The following ASH2L variants were observed in gnomAD, a reference collection of about 807,000 sequenced individuals.
ASH2L encodes set1/Ash2 histone methyltransferase complex subunit ASH2.
In ASH2L, 30 loss-of-function variants were observed where a neutral mutation model predicts 81.1. The ratio of observed to expected loss-of-function variants is 0.37; its 90% CI spans 0.28 to 0.50. The LOEUF (loss-of-function observed/expected upper bound fraction) is 0.50, where lower values mean the gene tolerates loss of function less well. Ranked by LOEUF, ASH2L falls within the 20% of genes least tolerant of loss-of-function variation. The pLI is 0.95. For synonymous variants in ASH2L, 273 were observed against 279.9 expected (o/e 0.98, Z 0.24); for missense variants, 559 against 792.1 (o/e 0.71, Z 3.53).
At chr8:38,119,710 C>G (rs1291642769) in intron 9 of ASH2L, among the ~76,000 whole-genome samples, 2 of 151,728 alleles carry the variant, frequency 1.3e-5, no homozygotes, top group Admixed American at 1.3e-4. Flanking sequence ...GAGGCTGAGG[C>G]AGGAGAATCG....
Position 38,128,276 on chromosome 8 carries a change from T to G in ASH2L, c.1166-15T>G. On this transcript the variant is annotated splice_polypyrimidine_tract_variant and intron_variant, in intron 10 of 15. Transcript: ENST00000343823. Reference sequence around the variant, plus strand: ...AAATAAGTTGCAGGCCTTCTTTTAATCTCTGTCACCGCAGCTCCCCAGTTA... The same window carrying G: ...AAATAAGTTGCAGGCCTTCTTTTAAGCTCTGTCACCGCAGCTCCCCAGTTA... 6.2e-7 allele frequency: 1 copy of G among 1,613,866 alleles called. No homozygotes were observed. The highest frequency in any genetic ancestry group is 8.5e-7 in the Non-Finnish European group (1 of 1,179,960).
chr8:38,135,090 T>C (rs1321680218), intron 13 of ASH2L, among the ~76,000 whole-genome samples: 2 of 152,118 alleles, frequency 1.3e-5, no homozygotes, highest in Admixed American at 1.3e-4. Flanking sequence ...GAGGTCTCAC[T>C]ATGTTGCCCA....
Position 38,128,227 on chromosome 8 carries a change from G to A in ASH2L, c.1166-64G>A, listed in dbSNP as rs1219785317. On this transcript the variant is annotated intron_variant, in intron 10 of 15. Transcript: ENST00000343823. ...ATTGTTTTATTGGACTAATGTTTTT[G>A]TGGCAATTGTCCCCAAGAACCTCAA... 8 of 1,579,548 alleles carry A rather than the reference G, an allele frequency of 5.1e-6. No homozygotes were observed. In the Middle Eastern group the frequency reaches 1.2e-3, roughly 244 times the overall value.
chr8:38,136,570 T>C (rs1802265030), intron 14 of ASH2L, among the ~76,000 whole-genome samples: 1 of 150,780 alleles, frequency 6.6e-6, no homozygotes, highest in African/African-American at 2.4e-5. Flanking sequence ...AGGTCAGGGG[T>C]TCGAGACCAG....
rs752635647 is a variant in ASH2L, at chr8:38,116,707, A to G, written c.835A>G (p.Thr279Ala). ...CCAAAAACAGAGCAGTGCTGTGTCT[A>G]CTAGTGGGAATTTAAATGGTAAGTG... ...DNQKQSSAVS[T>A]SGNLNGGIAA... The change falls in exon 8 of 16, where the codon ACT becomes GCT. Residue 279 changes from threonine (T) to alanine (A), a missense_variant. This residue lies in a region of ASH2L where 318 missense variants were observed against 527.0 expected (regional missense o/e 0.60). Coordinates refer to ENST00000343823, the MANE Select transcript of ASH2L (RefSeq NM_004674.5). 2 of 1,612,518 alleles carry G rather than the reference A, an allele frequency of 1.2e-6. No homozygotes were observed. Among genetic ancestry groups the G allele is most frequent in the South Asian group, 1.1e-5 (1 of 90,956 alleles).
At chr8:38,116,864 G>C (rs2130505292) in intron 8 of ASH2L, 139 bp downstream of exon 8, 1 of 692,526 alleles carries the variant, frequency 1.4e-6, no homozygotes. Context: ...CAATTTTTAG[G>C]AACTAGCCAA....
At chr8:38,112,820 G>A (rs1810741925) in intron 5 of ASH2L, among the ~76,000 whole-genome samples, 1 of 152,142 alleles carries the variant, frequency 6.6e-6, no homozygotes, top group Non-Finnish European at 1.5e-5. Context: ...CCCTGAATCA[G>A]TTGTTAGAGT....
intron 13 of ASH2L, among the ~76,000 whole-genome samples, chr8:38,134,048 G>T (rs1465604169): frequency 1.3e-5 from 2 of 152,154 alleles, no homozygotes; most frequent in Non-Finnish European, 2.9e-5. Flanking sequence ...TCTGAAACAT[G>T]TGCTGTGTCC....
At chr8:38,105,816 C>T in intron 1 of ASH2L, 78 bp downstream of exon 1, 4 of 1,467,350 alleles carry the variant, frequency 2.7e-6, no homozygotes, top group South Asian at 1.4e-5. Flanking sequence ...TGGAGCCCTG[C>T]CGCCCGCCCC....
chr8:38,132,416 T>TA (rs1247909809), intron 12 of ASH2L, among the ~76,000 whole-genome samples: 1 of 152,118 alleles, frequency 6.6e-6, no homozygotes, highest in Non-Finnish European at 1.5e-5. Flanking sequence ...TAAGAACCAG[T>TA]AAGAAAGAGG....
rs1305259232 is a variant in ASH2L, at chr8:38,105,803, T to C, written c.188+65T>C. 6.1e-6 allele frequency: 9 copies of C among 1,484,660 alleles called. No individual in the cohort carries two copies. The East Asian group carries it at 2.0e-4, about 32-fold the overall frequency. The allele number at this position is 1,484,660 out of a possible 1,614,324, so 92.0% of individuals were successfully genotyped here. ...GCCCGCCCCTCGCGAATCCCGCGGC[T>C]CCTGGAGCCCTGCCGCCCGCCCCCT... On this transcript the variant is annotated intron_variant, in intron 1 of 15. Coordinates refer to ENST00000343823, the MANE Select transcript of ASH2L (RefSeq NM_004674.5).
At position 38,139,079 on chromosome 8, in the gene ASH2L, C is replaced by T. The variant is rs1802382454; in HGVS notation, c.*8C>T. 1 of 1,565,124 alleles carries T rather than the reference C, an allele frequency of 6.4e-7. No homozygotes were observed. Among genetic ancestry groups the T allele is most frequent in the African/African-American group, 1.3e-5 (1 of 74,088 alleles). On this transcript the variant is annotated 3_prime_UTR_variant, in exon 16 of 16. Coordinates refer to ENST00000343823, the MANE Select transcript of ASH2L (RefSeq NM_004674.5). Reference sequence around the variant, plus strand: ...CCCCCATGGGAACCCTGACCAGGTCCCTCTTTTCTGTCAAGGACTTTCTGG... The same window carrying T: ...CCCCCATGGGAACCCTGACCAGGTCTCTCTTTTCTGTCAAGGACTTTCTGG...
chr8:38,130,580 GTGTC>G (rs1802019447), intron 12 of ASH2L, among the ~76,000 whole-genome samples: 2 of 151,596 alleles, frequency 1.3e-5, no homozygotes. Flanking sequence ...TTACACATAG[GTGTC>G]TGATTTACCT....
intron 10 of ASH2L, among the ~76,000 whole-genome samples, chr8:38,123,741 C>T (rs1438169578): frequency 2.0e-5 from 3 of 152,164 alleles, no homozygotes; most frequent in African/African-American, 7.2e-5. Context: ...TTTTTTCCAC[C>T]ATCTTCCCAC....
chr8:38,105,677 C>G lies in ASH2L; in HGVS notation c.127C>G (p.Pro43Ala). The G allele has an allele frequency of 6.3e-7, 1 of 1,587,608 alleles. No homozygotes were observed. The highest frequency in any genetic ancestry group is 8.6e-7 in the Non-Finnish European group (1 of 1,168,382). The change falls in exon 1 of 16, where the codon CCT becomes GCT. Residue 43 changes from proline (P) to alanine (A), a missense_variant. By Grantham distance (27) the Pro-to-Ala change is conservative. This residue lies in a region of ASH2L where 145 missense variants were observed against 115.5 expected (regional missense o/e 1.26). Transcript: ENST00000343823. ...GGTGGCAGCGGGAGCAGCCGCTCCT[C>G]CTGGAGAGGGGATCTCTGCTGCTCC... ...KPVAAGAAAPPGEGISAAPTV... is the reference protein window; with the variant it reads ...KPVAAGAAAPAGEGISAAPTV...
At chr8:38,135,607 A>C in intron 13 of ASH2L, 61 bp from the exon 14 acceptor site, 1 of 1,239,722 alleles carries the variant, frequency 8.1e-7, no homozygotes, top group Non-Finnish European at 1.2e-6. Flanking sequence ...TTTCCTAGAG[A>C]GTTCTTTTTT....
Position 38,138,797 on chromosome 8 carries a change from T to C in ASH2L, c.1720-19T>C. 6.2e-7 allele frequency: 1 copy of C among 1,610,672 alleles called. No individual in the cohort carries two copies. The stretch of plus-strand genomic sequence containing the variant: ...TTTGTCCATTTTTTCCATGTCTGCT[T>C]GAATTGAATTCGCTCCAGGTTTCCA... On this transcript the variant is annotated intron_variant, in intron 14 of 15. Coordinates refer to ENST00000343823, the MANE Select transcript of ASH2L (RefSeq NM_004674.5).
At chr8:38,122,926 T>C (rs1362170799) in intron 10 of ASH2L, among the ~76,000 whole-genome samples, 1 of 150,966 alleles carries the variant, frequency 6.6e-6, no homozygotes, top group African/African-American at 2.4e-5. Flanking sequence ...TTAATTTTAA[T>C]TTTTTAGAGG....
At chr8:38,108,558 G>A (rs913689735) in intron 3 of ASH2L, among the ~76,000 whole-genome samples, 3 of 150,934 alleles carry the variant, frequency 2.0e-5, no homozygotes, top group African/African-American at 4.9e-5. Flanking sequence ...AGTGACTCAC[G>A]CCTGTAATCC....
Sources: gnomAD v4.1 joint callset for allele counts (sites outside exome capture counted in the v4.1 genomes callset) on GRCh38, gnomAD v4.1.1 for gene constraint, gnomAD v4.1.1 regional missense constraint, MANE v1.5 for transcripts, NCBI Gene and HGNC (gene_info 2026-07-23, HGNC 2026-07-21) for gene names.